MAGI2: variants seen among roughly 807,000 people sequenced by gnomAD.
MAGI2 encodes membrane-associated guanylate kinase, WW and PDZ domain-containing protein 2.
In MAGI2, 35 loss-of-function variants were observed where a neutral mutation model predicts 133.3. The ratio of observed to expected loss-of-function variants is 0.26; its 90% CI spans 0.20 to 0.35. The LOEUF (loss-of-function observed/expected upper bound fraction) is 0.35. MAGI2 is among the 10% of genes least tolerant of loss of function. MAGI2 has a pLI of 1.00. For synonymous variants in MAGI2, 729 were observed against 710.6 expected, an observed-to-expected ratio of 1.03 and a Z score of -0.41; for missense variants, 1,636 against 1,863.4, an observed-to-expected ratio of 0.88 and a Z score of 2.25.
chr7:79,392,242 T>C (rs1844710681), intron 1 of MAGI2, among the ~76,000 whole-genome samples: 1 of 152,188 alleles, frequency 6.6e-6, no homozygotes, highest in Non-Finnish European at 1.5e-5. Context: ...CCACATTTTC[T>C]TTAACCAGTC....
chr7:79,130,411 A>T (rs747551566), intron 1 of MAGI2, among the ~76,000 whole-genome samples: 12 of 152,182 alleles, frequency 7.9e-5, no homozygotes, highest in Admixed American at 2.0e-4. Flanking sequence ...AAGAAACCTG[A>T]AGAATGAAGA....
At chr7:79,117,226 G>A (rs1819483394) in intron 1 of MAGI2, among the ~76,000 whole-genome samples, 1 of 152,082 alleles carries the variant, frequency 6.6e-6, no homozygotes, top group Admixed American at 6.6e-5. Flanking sequence ...CTGCAGAGTA[G>A]AAACCCACTA....
At chr7:78,375,487 G>A (rs551799179) in intron 6 of MAGI2, among the ~76,000 whole-genome samples, 10 of 152,150 alleles carry the variant, frequency 6.6e-5, no homozygotes, top group African/African-American at 2.2e-4. Flanking sequence ...TAGGAATCAT[G>A]CAATGTACTA....
chr7:78,746,554 C>T (rs574183247), intron 2 of MAGI2, among the ~76,000 whole-genome samples: 1 of 152,292 alleles, frequency 6.6e-6, no homozygotes, highest in South Asian at 2.1e-4. Context: ...GAGGCAATCA[C>T]CAGCACAGAA....
chr7:79,375,196 A>C (rs934208092), intron 1 of MAGI2, among the ~76,000 whole-genome samples: 1 of 152,096 alleles, frequency 6.6e-6, no homozygotes, highest in Non-Finnish European at 1.5e-5. Context: ...AAAGCCAAAT[A>C]AATACCGATT....
At chr7:78,896,861 T>A (rs1251732364) in intron 2 of MAGI2, among the ~76,000 whole-genome samples, 1 of 152,210 alleles carries the variant, frequency 6.6e-6, no homozygotes, top group Non-Finnish European at 1.5e-5. Context: ...TTTTCAACGA[T>A]ATTCATTGCC....
At chr7:78,749,532 C>A (rs569557804) in intron 2 of MAGI2, among the ~76,000 whole-genome samples, 2 of 152,152 alleles carry the variant, frequency 1.3e-5, no homozygotes, top group South Asian at 2.1e-4. Flanking sequence ...AAAACAAAGA[C>A]GACATTTAAA....
chr7:78,514,283 A>C (rs1383337824), intron 4 of MAGI2, among the ~76,000 whole-genome samples: 2 of 150,814 alleles, frequency 1.3e-5, no homozygotes, highest in Admixed American at 1.3e-4. Context: ...TTATAATTAT[A>C]AAATTATTAA....
chr7:78,104,511 C>T (rs913242637), intron 20 of MAGI2, among the ~76,000 whole-genome samples: 15 of 151,850 alleles, frequency 9.9e-5, no homozygotes, highest in African/African-American at 3.4e-4. Flanking sequence ...CATGAGCCAC[C>T]GCGCCCAGCC....
intron 2 of MAGI2, among the ~76,000 whole-genome samples, chr7:78,685,975 C>CT (rs111441733): frequency 0.58 from 81,793 of 141,454 alleles, 23,889 homozygotes; most frequent in African/African-American, 0.68. Flanking sequence ...TTTTTCTTTT[C>CT]TTTTTTTTTT....
At chr7:78,729,981 C>T (rs1030711724) in intron 2 of MAGI2, among the ~76,000 whole-genome samples, 1 of 152,216 alleles carries the variant, frequency 6.6e-6, no homozygotes, top group African/African-American at 2.4e-5. Context: ...AGTAATGACA[C>T]CTTGTGAAGC....
chr7:78,968,430 T>C (rs1300826312), intron 2 of MAGI2, among the ~76,000 whole-genome samples: 2 of 144,974 alleles, frequency 1.4e-5, no homozygotes, highest in Non-Finnish European at 2.9e-5. Context: ...GTCATCAGTT[T>C]TTTTTTTTTG....
intron 2 of MAGI2, among the ~76,000 whole-genome samples, chr7:78,762,208 A>G (rs1271694225): frequency 5.6e-5 from 8 of 143,126 alleles, no homozygotes; most frequent in African/African-American, 2.1e-4. Context: ...CTTTGGGAGG[A>G]TGAGGCAGGC....
chr7:78,498,704 G>A (rs1192285459), intron 5 of MAGI2, among the ~76,000 whole-genome samples: 1 of 152,142 alleles, frequency 6.6e-6, no homozygotes, highest in African/African-American at 2.4e-5. Flanking sequence ...GAATCTTGAG[G>A]TTCAAAGGTA....
At chr7:79,423,117 T>C (rs13239510) in intron 1 of MAGI2, among the ~76,000 whole-genome samples, 37,131 of 151,990 alleles carry the variant, frequency 0.24, 6,537 homozygotes, top group African/African-American at 0.5. Flanking sequence ...TCTAACATTA[T>C]AGCACTCTCC....
At chr7:79,404,655 C>T (rs755119237) in intron 1 of MAGI2, among the ~76,000 whole-genome samples, 1 of 152,130 alleles carries the variant, frequency 6.6e-6, no homozygotes, top group Non-Finnish European at 1.5e-5. Flanking sequence ...CACCCTTAGA[C>T]CCAGGCCCCT....
intron 1 of MAGI2, among the ~76,000 whole-genome samples, chr7:79,289,352 T>A (rs1300075197): frequency 6.6e-6 from 1 of 152,160 alleles, no homozygotes; most frequent in Non-Finnish European, 1.5e-5. Context: ...CTCTAATAGC[T>A]TACAGAAGTA....
At chr7:79,126,935 T>C (rs1005953212) in intron 1 of MAGI2, among the ~76,000 whole-genome samples, 1 of 151,942 alleles carries the variant, frequency 6.6e-6, no homozygotes, top group African/African-American at 2.4e-5. Context: ...TATCTCCTAA[T>C]GCTAACCCTC....
At chr7:78,946,603 A>G (rs1365986168) in intron 2 of MAGI2, 2 of 152,176 alleles carry the variant, frequency 1.3e-5, no homozygotes, top group African/African-American at 4.8e-5. Flanking sequence ...TTTCTGGCAG[A>G]TAATTGCTTT....
Sources: gnomAD v4.1 joint callset for allele counts (sites outside exome capture counted in the v4.1 genomes callset) on GRCh38, gnomAD v4.1.1 for gene constraint, MANE v1.5 for transcripts, NCBI Gene and HGNC (gene_info 2026-07-23, HGNC 2026-07-21) for gene names.